The following MYO1E variants were observed in gnomAD, a reference collection of about 807,000 sequenced individuals.
MYO1E encodes myosin IE, also known as unconventional myosin-Ie.
MYO1E carries 68 observed loss-of-function variants against 151.1 expected under a neutral mutation model. The ratio of observed to expected loss-of-function variants is 0.45; its 90% CI spans 0.37 to 0.55. The LOEUF is 0.55. Among genes scored for constraint, MYO1E ranks in the 20% least tolerant of loss-of-function variants. The pLI is 0.00. For missense variants in MYO1E, 1,363 were observed against 1,389.3 expected, an observed-to-expected ratio of 0.98 and a Z score of 0.30; for synonymous variants, 601 against 501.7, an observed-to-expected ratio of 1.20 and a Z score of -2.64.
intron 4 of MYO1E, among the ~76,000 whole-genome samples, chr15:59,250,162 T>C (rs1251875266): frequency 1.3e-5 from 2 of 152,274 alleles, no homozygotes; most frequent in South Asian, 2.1e-4. Flanking sequence ...GCCCCTGGAA[T>C]GTCCTACCTA....
At chr15:59,298,866 C>T (rs2080466482) in intron 1 of MYO1E, among the ~76,000 whole-genome samples, 1 of 152,216 alleles carries the variant, frequency 6.6e-6, no homozygotes, top group Non-Finnish European at 1.5e-5. Flanking sequence ...CTTGTTTCCA[C>T]AAGGGAATCT....
chr15:59,258,669 T>C (rs1256389426), intron 3 of MYO1E, among the ~76,000 whole-genome samples: 3 of 152,104 alleles, frequency 2.0e-5, no homozygotes, highest in Admixed American at 1.3e-4. Flanking sequence ...CTGGGCAACA[T>C]AGTGAGACCT....
intron 1 of MYO1E, among the ~76,000 whole-genome samples, chr15:59,285,262 G>A (rs1449635543): frequency 1.3e-5 from 2 of 150,518 alleles, no homozygotes; most frequent in African/African-American, 4.9e-5. Flanking sequence ...GGCGGTTCAT[G>A]TCCTTCATCT....
At chr15:59,237,454 A>G (rs1043214898) in intron 4 of MYO1E, among the ~76,000 whole-genome samples, 43 of 152,192 alleles carry the variant, frequency 2.8e-4, no homozygotes, top group African/African-American at 1.0e-3. Flanking sequence ...CATTCTTCCT[A>G]CAAAATCCCC....
chr15:59,202,514 T>G (rs1239306349), intron 15 of MYO1E, 107 bp from the exon 16 acceptor site: 2 of 1,026,604 alleles, frequency 1.9e-6, no homozygotes, highest in Non-Finnish European at 3.0e-6. Context: ...GCACATAACC[T>G]TGGCTACAGA....
intron 1 of MYO1E, among the ~76,000 whole-genome samples, chr15:59,281,346 G>A (rs2080352363): frequency 6.6e-6 from 1 of 150,434 alleles, no homozygotes; most frequent in Non-Finnish European, 1.5e-5. Flanking sequence ...CATGATCTTG[G>A]CTCACTGCAA....
rs539701587 is a variant in MYO1E at position 59,178,444 on chromosome 15, G to A, written c.1998C>T (p.Ser666=). 3.9e-5 allele frequency: 63 copies of A among 1,614,202 alleles called. No homozygotes were observed. The highest frequency in any genetic ancestry group is 3.2e-4 in the African/African-American group (24 of 75,054). Residue 666 remains serine (S), a synonymous_variant, in exon 19 of 28, where the codon AGC becomes AGT. Coordinates refer to ENST00000288235, the MANE Select transcript of MYO1E (RefSeq NM_004998.4). The part of the protein sequence containing the change: ...LHLLQSVNMD[S]DQFQLGRSKV... ...TACTCCTCCCCAGCTGGAACTGGTC[G>A]CTGTCCATGTTGACCGACTGCAGCA...
At chr15:59,302,604 C>A (rs530792118) in intron 1 of MYO1E, among the ~76,000 whole-genome samples, 1 of 152,292 alleles carries the variant, frequency 6.6e-6, no homozygotes, top group African/African-American at 2.4e-5. Flanking sequence ...CATAACACAA[C>A]TGATTTTTTG....
At chr15:59,334,200 G>A (rs543858981) in intron 1 of MYO1E, among the ~76,000 whole-genome samples, 1 of 152,258 alleles carries the variant, frequency 6.6e-6, no homozygotes, top group East Asian at 1.9e-4. Flanking sequence ...AGGGTCACCT[G>A]AGCCCAGGAG....
At chr15:59,225,823 T>C (rs2140351349) in intron 7 of MYO1E, among the ~76,000 whole-genome samples, 1 of 152,246 alleles carries the variant, frequency 6.6e-6, no homozygotes. Flanking sequence ...ATTTTTTGTA[T>C]TTTTAGTAGA....
intron 4 of MYO1E, among the ~76,000 whole-genome samples, chr15:59,254,966 C>T (rs956069021): frequency 1.3e-4 from 20 of 152,146 alleles, no homozygotes; most frequent in Admixed American, 9.2e-4. Flanking sequence ...TCTGGGACTA[C>T]AGGCATGTAC....
chr15:59,339,474 C>T (rs1437922933), intron 1 of MYO1E, among the ~76,000 whole-genome samples: 8 of 152,182 alleles, frequency 5.3e-5, no homozygotes, highest in African/African-American at 1.9e-4. Context: ...TTCACTACCC[C>T]GATATTCACA....
In MYO1E at chr15:59,315,670, A is replaced by C. The variant is rs570764614; in HGVS notation, c.4-43221T>G. Among the ~76,000 whole-genome samples the C allele has an allele frequency of 9.2e-5, 14 of 152,346 alleles. No homozygotes were observed. In the South Asian group the frequency reaches 2.9e-3, roughly 32 times the overall value. On this transcript the variant is annotated intron_variant, in intron 1 of 27. Transcript: ENST00000288235. ...ACAGACATGATACTTATATCACTTC[A>C]TCAGACTGTGAGGAAGATTGAATGA...
intron 4 of MYO1E, among the ~76,000 whole-genome samples, chr15:59,256,009 C>T (rs768958046): frequency 2.0e-5 from 3 of 152,106 alleles, no homozygotes; most frequent in Non-Finnish European, 4.4e-5. Context: ...AAAATAGGGA[C>T]CTACAGAAAA....
At chr15:59,243,003 A>G (rs554330016) in intron 4 of MYO1E, among the ~76,000 whole-genome samples, 14 of 151,990 alleles carry the variant, frequency 9.2e-5, no homozygotes, top group Admixed American at 5.9e-4. Context: ...ATGTGGCTTC[A>G]TGGGGGCCAA....
chr15:59,217,676 G>A (rs1050264841), intron 10 of MYO1E, among the ~76,000 whole-genome samples: 1 of 151,506 alleles, frequency 6.6e-6, no homozygotes, highest in Non-Finnish European at 1.5e-5. Flanking sequence ...ACAGGCACAT[G>A]CCACCACACC....
intron 16 of MYO1E, among the ~76,000 whole-genome samples, chr15:59,195,801 G>C (rs2079763140): frequency 1.3e-5 from 2 of 152,084 alleles, no homozygotes; most frequent in Non-Finnish European, 2.9e-5. Flanking sequence ...AAGCAACTAG[G>C]CATTTTCAGT....
At chr15:59,275,109 T>G (rs987201713) in intron 1 of MYO1E, among the ~76,000 whole-genome samples, 1 of 152,190 alleles carries the variant, frequency 6.6e-6, no homozygotes, top group Admixed American at 6.5e-5. Context: ...AAAGCCAAGA[T>G]GTGAACCGAA....
intron 1 of MYO1E, among the ~76,000 whole-genome samples, chr15:59,305,836 T>C (rs1567009588): frequency 6.6e-6 from 1 of 152,234 alleles, no homozygotes; most frequent in African/African-American, 2.4e-5. Flanking sequence ...AAGGGGTGTA[T>C]TCAAGTTCTA....
Sources: gnomAD v4.1 joint callset for allele counts (sites outside exome capture counted in the v4.1 genomes callset) on GRCh38, gnomAD v4.1.1 for gene constraint, MANE v1.5 for transcripts, NCBI Gene and HGNC (gene_info 2026-07-23, HGNC 2026-07-21) for gene names.